The following BORCS5 variants were observed in gnomAD, a reference collection of about 807,000 sequenced individuals.
BORCS5 encodes BLOC-1 related complex subunit 5.
In BORCS5, 17 loss-of-function variants were observed where a neutral mutation model predicts 22.1. The observed-to-expected ratio is 0.77, with a 90% CI of 0.53 to 1.15. BORCS5 has a LOEUF of 1.15. Ranked by LOEUF, BORCS5 falls within the 50% of genes most tolerant of loss-of-function variation. The pLI is 0.00. For synonymous variants in BORCS5, 117 were observed against 99.8 expected, an observed-to-expected ratio of 1.17 and a Z score of -1.03; for missense variants, 247 against 253.2, an observed-to-expected ratio of 0.98 and a Z score of 0.17.
Position 12,438,360 on chromosome 12 carries a change from C to CAAAAAAAAAAAAAAAAAAAAAAAAA in BORCS5, c.360+2595_360+2596insAAAAAAAAAAAAAAAAAAAAAAAAA, listed in dbSNP as rs57737663. ...AGGGCGACAGAGCCAGATTTCATCTCAAAAAAAAAAAAAAAAAAAACGAAA... is the reference window on the plus strand; with the variant it reads ...AGGGCGACAGAGCCAGATTTCATCTCAAAAAAAAAAAAAAAAAAAAAAAAAAAAAAAAAAAAAAAAAAAAACGAAA... On this transcript the variant is annotated intron_variant, in intron 3 of 3. Coordinates refer to ENST00000314565, the MANE Select transcript of BORCS5 (RefSeq NM_058169.6). Among the ~76,000 whole-genome samples the CAAAAAAAAAAAAAAAAAAAAAAAAA allele has an allele frequency of 2.4e-3, 57 of 23,778 alleles. 1 individual carries two copies. The highest frequency in any genetic ancestry group is 3.9e-3 in the East Asian group (4 of 1,026). 15.6% of individuals were successfully genotyped at this position (23,778 alleles called of 152,430 possible). A position where few individuals can be genotyped will look rare whatever the true frequency, so the allele number is the denominator to read the frequency against.
chr12:12,372,285 C>T (rs1034697872), intron 2 of BORCS5, among the ~76,000 whole-genome samples: 21 of 152,190 alleles, frequency 1.4e-4, no homozygotes, highest in African/African-American at 4.8e-4. Flanking sequence ...GGTGATCCAC[C>T]TGCCTCGGCT....
chr12:12,451,876 C>T (rs551435704), intron 3 of BORCS5, among the ~76,000 whole-genome samples: 43 of 150,272 alleles, frequency 2.9e-4, no homozygotes, highest in African/African-American at 1.1e-3. Context: ...CGAGATCGCA[C>T]CACTGCACTC....
intron 3 of BORCS5, among the ~76,000 whole-genome samples, chr12:12,463,834 G>A (rs772783661): frequency 6.6e-6 from 1 of 152,176 alleles, no homozygotes; most frequent in Non-Finnish European, 1.5e-5. Context: ...GACTGCCAAG[G>A]ACTTTAGACT....
chr12:12,442,430 A>G (rs1448387225), intron 3 of BORCS5, among the ~76,000 whole-genome samples: 1 of 152,216 alleles, frequency 6.6e-6, no homozygotes, highest in Non-Finnish European at 1.5e-5. Flanking sequence ...GAGTACATTC[A>G]TGATATGATT....
chr12:12,465,981 C>A lies in BORCS5; in HGVS notation c.*205C>A, dbSNP rs1943195206. 1.8e-6 allele frequency: 1 copy of A among 554,250 alleles called. No individual in the cohort carries two copies. Among genetic ancestry groups the A allele is most frequent in the Non-Finnish European group, 3.2e-6 (1 of 312,308 alleles). The allele number at this position is 554,250 out of a possible 1,614,324, so 34.3% of individuals were successfully genotyped here. ...GTTTCCCGGTGTGGAAGGAACCTAA[C>A]CAGTTCTCGGTGATAACTGAAGCTG... On this transcript the variant is annotated 3_prime_UTR_variant, in exon 4 of 4. Transcript: ENST00000314565.
At chr12:12,459,060 C>T (rs1373468711) in intron 3 of BORCS5, among the ~76,000 whole-genome samples, 1 of 150,968 alleles carries the variant, frequency 6.6e-6, no homozygotes, top group South Asian at 2.1e-4. Flanking sequence ...CCAGGCCCGA[C>T]TAATTTTGTA....
At position 12,435,654 on chromosome 12, in the gene BORCS5, A is replaced by G; in HGVS notation, c.229A>G (p.Thr77Ala). 6.2e-7 allele frequency: 1 copy of G among 1,613,962 alleles called. No individual in the cohort carries two copies. The highest frequency in any genetic ancestry group is 8.5e-7 in the Non-Finnish European group (1 of 1,179,970). The change falls in exon 3 of 4, where the codon ACA (threonine) becomes GCA (alanine). Residue 77 changes from threonine (T) to alanine (A), a missense_variant. Thr to Ala is a moderately conservative substitution (Grantham distance 58, BLOSUM62 0). Coordinates refer to ENST00000314565, the MANE Select transcript of BORCS5 (RefSeq NM_058169.6). ...KGLLSGQTSP[T>A]NAKLEKLDSQ... ...GCTATTGAGTGGCCAGACTTCCCCA[A>G]CAAATGCCAAATTGGAGAAACTGGA... is the stretch of plus-strand genomic sequence containing the variant.
chr12:12,386,295 C>T (rs1489685810), intron 2 of BORCS5, among the ~76,000 whole-genome samples: 2 of 150,936 alleles, frequency 1.3e-5, no homozygotes, highest in Non-Finnish European at 3.0e-5. Context: ...GCCACTGTGC[C>T]TGGCCCCCCA....
At chr12:12,445,517 A>ATTTTTTT (rs1942768077) in intron 3 of BORCS5, among the ~76,000 whole-genome samples, 2 of 38,542 alleles carry the variant, frequency 5.2e-5, no homozygotes, top group African/African-American at 1.2e-4. Flanking sequence ...TTTTTTTTTC[A>ATTTTTTT]ATTTGAAATA....
intron 3 of BORCS5, among the ~76,000 whole-genome samples, chr12:12,455,435 T>C (rs1336925996): frequency 2.0e-5 from 3 of 152,190 alleles, no homozygotes; most frequent in Non-Finnish European, 4.4e-5. Context: ...AGACACCACA[T>C]TAAAAGCTAA....
intron 2 of BORCS5, among the ~76,000 whole-genome samples, chr12:12,388,412 G>A (rs1004134965): frequency 2.0e-5 from 3 of 151,258 alleles, no homozygotes; most frequent in East Asian, 1.9e-4. Context: ...TAGATGGGAC[G>A]AAATCAACAA....
chr12:12,435,872 C>T (rs1942544371), intron 3 of BORCS5, 87 bp downstream of exon 3: 1 of 1,363,488 alleles, frequency 7.3e-7, no homozygotes, highest in Admixed American at 2.1e-5. Context: ...TGACATTTGT[C>T]ACTATTGCTT....
rs539417070 is a variant in BORCS5 at position 12,364,570 on chromosome 12, T to C, written c.202+3221T>C. 2.6e-3 allele frequency among the ~76,000 whole-genome samples: 384 copies of C among 149,658 alleles called. 1 individual carries two copies. The highest frequency in any genetic ancestry group is 4.3e-3 in the Non-Finnish European group (291 of 67,360). ...AGTGGACCCACGTGGTTCAGACCCATGTTGTTGTTCAAGGGTCAGCTGTAA... is the reference window on the plus strand; with the variant it reads ...AGTGGACCCACGTGGTTCAGACCCACGTTGTTGTTCAAGGGTCAGCTGTAA... On this transcript the variant is annotated intron_variant, in intron 2 of 3. Coordinates refer to ENST00000314565, the MANE Select transcript of BORCS5 (RefSeq NM_058169.6).
intron 2 of BORCS5, among the ~76,000 whole-genome samples, chr12:12,434,992 C>T (rs192465354): frequency 1.3e-5 from 2 of 152,210 alleles, no homozygotes; most frequent in East Asian, 3.9e-4. Context: ...CTGCTACATA[C>T]CTATAAAAAT....
intron 3 of BORCS5, among the ~76,000 whole-genome samples, chr12:12,452,803 G>C (rs984632832): frequency 1.3e-5 from 2 of 152,208 alleles, no homozygotes; most frequent in Non-Finnish European, 2.9e-5. Context: ...TGGTGATCTG[G>C]AGAGGGTCGG....
chr12:12,368,454 C>CA (rs1410959758), intron 2 of BORCS5, among the ~76,000 whole-genome samples: 1 of 151,404 alleles, frequency 6.6e-6, no homozygotes, highest in Non-Finnish European at 1.5e-5. Context: ...TTTCCTTCTT[C>CA]TTTTTTTTGA....
intron 2 of BORCS5, among the ~76,000 whole-genome samples, chr12:12,397,323 G>A (rs1275596767): frequency 6.6e-6 from 1 of 152,174 alleles, no homozygotes. Flanking sequence ...GAATGACCAG[G>A]AACATGCTCA....
At chr12:12,424,245 T>C (rs925466777) in intron 2 of BORCS5, among the ~76,000 whole-genome samples, 1 of 152,166 alleles carries the variant, frequency 6.6e-6, no homozygotes, top group Admixed American at 6.5e-5. Flanking sequence ...CTTTTTTCTT[T>C]CTGTTCCTCA....
chr12:12,361,557 T>TAA (rs1863287621), intron 2 of BORCS5, among the ~76,000 whole-genome samples: 1 of 152,220 alleles, frequency 6.6e-6, no homozygotes, highest in South Asian at 2.1e-4. Context: ...CACTTAATTA[T>TAA]CATTGACCTA....
Sources: allele counts gnomAD v4.1 joint callset (sites outside exome capture counted in the v4.1 genomes callset), GRCh38; gene constraint gnomAD v4.1.1; transcripts MANE v1.5; gene names NCBI Gene and HGNC (gene_info 2026-07-23, HGNC 2026-07-21).